The following MIPOL1 variants were observed in gnomAD, a reference collection of about 807,000 sequenced individuals.
MIPOL1 encodes mirror-image polydactyly gene 1 protein.
In MIPOL1, 57 loss-of-function variants were observed where a neutral mutation model predicts 60.9. The ratio of observed to expected loss-of-function variants is 0.94; its 90% confidence interval spans 0.76 to 1.17. The LOEUF is 1.17. MIPOL1 is among the 50% of genes most tolerant of loss of function. The pLI is 0.00. For missense variants in MIPOL1, 551 were observed against 511.6 expected (o/e 1.08, Z -0.74); for synonymous variants, 179 against 168.8 (o/e 1.06, Z -0.47).
chr14:37,200,846 ATCTATGTGTGTGTGTGTG>A (rs1385739392), intron 1 of MIPOL1, among the ~76,000 whole-genome samples: 2 of 121,038 alleles, frequency 1.7e-5, no homozygotes, highest in Non-Finnish European at 3.4e-5. Context: ...TACTATATCT[ATCTATGTGTGTGTGTGTG>A]TGTGTGTGTG....
intron 6 of MIPOL1, among the ~76,000 whole-genome samples, chr14:37,270,783 AG>A (rs1005037130): frequency 1.3e-5 from 2 of 152,008 alleles, no homozygotes; most frequent in Non-Finnish European, 2.9e-5. Context: ...AATCACAAAA[AG>A]GTTGTTTGTT....
intron 6 of MIPOL1, among the ~76,000 whole-genome samples, chr14:37,284,131 A>G (rs2084354502): frequency 6.6e-6 from 1 of 152,182 alleles, no homozygotes; most frequent in East Asian, 1.9e-4. Flanking sequence ...TAGTGCTGCA[A>G]AAATCTAGAT....
chr14:37,420,180 CTATA>C (rs1349679162), intron 10 of MIPOL1, among the ~76,000 whole-genome samples: 1 of 151,510 alleles, frequency 6.6e-6, no homozygotes. Flanking sequence ...TTGCAAGTAT[CTATA>C]TATGCTTATA....
chr14:37,525,591 G>A (rs113932737), intron 12 of MIPOL1, among the ~76,000 whole-genome samples: 2,276 of 152,256 alleles, frequency 0.015, 58 homozygotes, highest in African/African-American at 0.051. Context: ...TTGGGTTTAT[G>A]TGTGTTTCAT....
At chr14:37,391,989 A>G (rs906076441) in intron 10 of MIPOL1, among the ~76,000 whole-genome samples, 1 of 152,122 alleles carries the variant, frequency 6.6e-6, no homozygotes, top group Non-Finnish European at 1.5e-5. Flanking sequence ...TTAAAGTAAT[A>G]AACAATCCTG....
intron 7 of MIPOL1, among the ~76,000 whole-genome samples, chr14:37,289,162 T>A (rs2084839656): frequency 6.6e-6 from 1 of 152,206 alleles, no homozygotes; most frequent in Non-Finnish European, 1.5e-5. Context: ...CCTGGGTGTG[T>A]CAGTGGAAAC....
At chr14:37,334,058 A>G (rs2089934072) in intron 9 of MIPOL1, among the ~76,000 whole-genome samples, 1 of 152,090 alleles carries the variant, frequency 6.6e-6, no homozygotes. Flanking sequence ...AAATTAAGCA[A>G]CACCTTTTAA....
chr14:37,219,730 T>C (rs1968417947), intron 1 of MIPOL1: 1 of 152,194 alleles, frequency 6.6e-6, no homozygotes, highest in Non-Finnish European at 1.5e-5. Flanking sequence ...TTTCTGAGCA[T>C]GTATTCTGAT....
At chr14:37,297,391 G>A (rs1368611832) in intron 7 of MIPOL1, among the ~76,000 whole-genome samples, 1 of 152,112 alleles carries the variant, frequency 6.6e-6, no homozygotes, top group Admixed American at 6.5e-5. Context: ...TTGAAAACTG[G>A]CACAAGACAG....
chr14:37,337,370 T>A (rs1267700684), intron 9 of MIPOL1, among the ~76,000 whole-genome samples: 3 of 98,250 alleles, frequency 3.1e-5, no homozygotes, highest in African/African-American at 4.3e-5. Flanking sequence ...TTTTTTTTTT[T>A]TTTTTTTTTT....
chr14:37,500,162 AT>A (rs1291905053), intron 12 of MIPOL1, 24 bp downstream of exon 12: 1 of 1,461,872 alleles, frequency 6.8e-7, no homozygotes, highest in African/African-American at 1.4e-5. Context: ...TCTTGTAATA[AT>A]ACTTCAAACA....
intron 3 of MIPOL1, among the ~76,000 whole-genome samples, chr14:37,266,487 T>G (rs1181635407): frequency 6.6e-6 from 1 of 152,202 alleles, no homozygotes; most frequent in Admixed American, 6.5e-5. Context: ...CCATGCTTTC[T>G]AACACTAACA....
chr14:37,383,127 T>C (rs1316609163), intron 10 of MIPOL1, among the ~76,000 whole-genome samples: 3 of 151,802 alleles, frequency 2.0e-5, no homozygotes, highest in Non-Finnish European at 4.4e-5. Flanking sequence ...CTAAATGGCA[T>C]TTATATTATC....
At chr14:37,506,223 A>G (rs2095275032) in intron 12 of MIPOL1, 1 of 152,178 alleles carries the variant, frequency 6.6e-6, no homozygotes, top group African/African-American at 2.4e-5. Flanking sequence ...GCTACCAATA[A>G]CTTTCTTCAC....
intron 1 of MIPOL1, among the ~76,000 whole-genome samples, chr14:37,207,208 T>G (rs1391429705): frequency 6.6e-6 from 1 of 152,080 alleles, no homozygotes; most frequent in African/African-American, 2.4e-5. Context: ...TGGGGGCAGT[T>G]CCCCCATACT....
chr14:37,543,370 G>C (rs916916838), intron 12 of MIPOL1, among the ~76,000 whole-genome samples: 9 of 151,944 alleles, frequency 5.9e-5, no homozygotes, highest in African/African-American at 2.2e-4. Flanking sequence ...CGGCCTCCCA[G>C]GTTCAAGCAG....
At chr14:37,258,322 C>CA (rs553947714) in intron 3 of MIPOL1, among the ~76,000 whole-genome samples, 1 of 151,882 alleles carries the variant, frequency 6.6e-6, no homozygotes, top group South Asian at 2.1e-4. Context: ...TCTTAACAAA[C>CA]AAAAAATACA....
At chr14:37,346,343 A>G (rs1567568038) in intron 9 of MIPOL1, among the ~76,000 whole-genome samples, 1 of 152,188 alleles carries the variant, frequency 6.6e-6, no homozygotes, top group African/African-American at 2.4e-5. Flanking sequence ...AAATAAAAAA[A>G]TAACTGAAGG....
At chr14:37,304,444 A>G (rs1019087085) in intron 7 of MIPOL1, among the ~76,000 whole-genome samples, 9 of 151,784 alleles carry the variant, frequency 5.9e-5, no homozygotes, top group African/African-American at 1.7e-4. Flanking sequence ...TCAGCTTTTC[A>G]GATCATGATA....
Sources: gnomAD v4.1 joint callset for allele counts (sites outside exome capture counted in the v4.1 genomes callset) on GRCh38, gnomAD v4.1.1 for gene constraint, MANE v1.5 for transcripts, NCBI Gene and HGNC (gene_info 2026-07-23, HGNC 2026-07-21) for gene names.